The following EXOC6B variants were observed in gnomAD, a reference collection of about 807,000 sequenced individuals.
EXOC6B encodes the protein SEC15 homolog B.
Under a neutral mutation model 113.5 loss-of-function variants are expected in EXOC6B, and 54 were observed. The ratio of observed to expected loss-of-function variants is 0.48; its 90% CI spans 0.38 to 0.60. The LOEUF (loss-of-function observed/expected upper bound fraction) is 0.60, where lower values mean the gene tolerates loss of function less well. Among genes scored for constraint, EXOC6B ranks in the 20% least tolerant of loss-of-function variants. The probability of loss-of-function intolerance (pLI) is 0.00; values close to 1 mark genes in which losing one functional copy is unlikely to be tolerated. For missense variants in EXOC6B, 797 were observed against 977.5 expected (o/e 0.82, Z 2.46); for synonymous variants, 357 against 339.0 (o/e 1.05, Z -0.58).
intron 7 of EXOC6B, among the ~76,000 whole-genome samples, chr2:72,573,993 G>A (rs1704671983): frequency 6.6e-6 from 1 of 151,760 alleles, no homozygotes; most frequent in South Asian, 2.1e-4. Flanking sequence ...GCGGGCGCCT[G>A]TAGTCCCAGT....
chr2:72,667,359 T>C (rs1422988318), intron 6 of EXOC6B, among the ~76,000 whole-genome samples: 1 of 152,184 alleles, frequency 6.6e-6, no homozygotes. Flanking sequence ...ATTTTTCAAA[T>C]AATTATAAAA....
chr2:72,412,551 G>C (rs1282482116), intron 18 of EXOC6B, among the ~76,000 whole-genome samples: 1 of 152,122 alleles, frequency 6.6e-6, no homozygotes, highest in Non-Finnish European at 1.5e-5. Context: ...TAACACAAAC[G>C]TCTACAGAAA....
chr2:72,275,707 T>C (rs960904260), intron 20 of EXOC6B, among the ~76,000 whole-genome samples: 7 of 152,212 alleles, frequency 4.6e-5, no homozygotes, highest in Admixed American at 1.3e-4. Context: ...GGTCTCTGGG[T>C]ATTCAATAAA....
chr2:72,236,765 G>C (rs1681982335), intron 20 of EXOC6B, among the ~76,000 whole-genome samples: 1 of 152,014 alleles, frequency 6.6e-6, no homozygotes. Context: ...TAGATTAATA[G>C]TGGGACAAGC....
chr2:72,674,144 G>A (rs1227051772), intron 6 of EXOC6B, among the ~76,000 whole-genome samples: 1 of 152,138 alleles, frequency 6.6e-6, no homozygotes. Flanking sequence ...TCACCACTTT[G>A]ATTTTATGAG....
intron 5 of EXOC6B, among the ~76,000 whole-genome samples, chr2:72,720,256 T>C (rs1436639108): frequency 6.7e-6 from 1 of 149,902 alleles, no homozygotes. Context: ...ACATGAAAAA[T>C]AGAAAACAAA....
intron 20 of EXOC6B, among the ~76,000 whole-genome samples, chr2:72,251,592 G>A (rs1214358110): frequency 6.6e-6 from 1 of 152,176 alleles, no homozygotes; most frequent in Non-Finnish European, 1.5e-5. Flanking sequence ...GGACAAATAA[G>A]ATGGATAAAG....
intron 20 of EXOC6B, among the ~76,000 whole-genome samples, chr2:72,229,749 G>A (rs1405536893): frequency 1.3e-5 from 2 of 152,116 alleles, no homozygotes; most frequent in Non-Finnish European, 2.9e-5. Context: ...GATTCAAATC[G>A]GTAAATGATA....
At chr2:72,398,953 C>G (rs1363776521) in intron 18 of EXOC6B, among the ~76,000 whole-genome samples, 1 of 150,714 alleles carries the variant, frequency 6.6e-6, no homozygotes, top group Non-Finnish European at 1.5e-5. Context: ...TAAATCCTCC[C>G]TAATTCATTC....
At chr2:72,555,694 T>C (rs1703499049) in intron 8 of EXOC6B, among the ~76,000 whole-genome samples, 1 of 152,214 alleles carries the variant, frequency 6.6e-6, no homozygotes, top group African/African-American at 2.4e-5. Context: ...TTGCCCAGGC[T>C]GGAGTGCAGT....
chr2:72,268,053 T>A (rs887295597), intron 20 of EXOC6B, among the ~76,000 whole-genome samples: 18 of 152,142 alleles, frequency 1.2e-4, no homozygotes, highest in Non-Finnish European at 2.6e-4. Flanking sequence ...GATAATAAAG[T>A]GTGACATATT....
chr2:72,540,602 G>A (rs1027729901), intron 8 of EXOC6B, among the ~76,000 whole-genome samples: 3 of 151,886 alleles, frequency 2.0e-5, no homozygotes, highest in African/African-American at 7.3e-5. Context: ...CTAATCTACT[G>A]CCCACATTTC....
At chr2:72,672,339 G>A (rs1223779368) in intron 6 of EXOC6B, among the ~76,000 whole-genome samples, 2 of 151,440 alleles carry the variant, frequency 1.3e-5, no homozygotes, top group Non-Finnish European at 1.5e-5. Flanking sequence ...ATAAAGAAAA[G>A]CCGGTATATG....
At position 72,224,994 on chromosome 2, in the gene EXOC6B, G is replaced by GTGTGTGTA. The variant is rs908047817; in HGVS notation, c.2197-40808_2197-40807insTACACACA. Among the ~76,000 whole-genome samples the GTGTGTGTA allele has an allele frequency of 2.2e-5, 3 of 137,254 alleles. 1 individual carries two copies. Among genetic ancestry groups the GTGTGTGTA allele is most frequent in the African/African-American group, 5.3e-5 (2 of 37,986 alleles). The allele number at this position is 137,254 out of a possible 152,430, so 90.0% of individuals were successfully genotyped here. On this transcript the variant is annotated intron_variant, in intron 20 of 21. Coordinates refer to ENST00000272427, the MANE Select transcript of EXOC6B (RefSeq NM_015189.3). Reference sequence around the variant, plus strand: ...CATCTCTCTCTGTATGTGTGTGTGTGTATATATATATAAATACACATACTT... The same window carrying GTGTGTGTA: ...CATCTCTCTCTGTATGTGTGTGTGTGTGTGTGTATATATATATATAAATACACATACTT...
chr2:72,477,216 T>A lies in EXOC6B; in HGVS notation c.1800+3400A>T, dbSNP rs1195294984. ...TTTAATACCTCTATATAGCTATGAATTAAACATACCAAGCTTAATGTATCA... is the reference window on the plus strand; with the variant it reads ...TTTAATACCTCTATATAGCTATGAAATAAACATACCAAGCTTAATGTATCA... On this transcript the variant is annotated intron_variant, in intron 17 of 21. Transcript: ENST00000272427. 2.0e-5 allele frequency among the ~76,000 whole-genome samples: 3 copies of A among 152,236 alleles called. No individual in the cohort carries two copies. In the East Asian group the frequency reaches 5.8e-4, roughly 29 times the overall value.
chr2:72,692,711 T>C (rs1677585527), intron 6 of EXOC6B, among the ~76,000 whole-genome samples: 1 of 152,200 alleles, frequency 6.6e-6, no homozygotes, highest in South Asian at 2.1e-4. Context: ...TTCCTTTTAG[T>C]AATTGACCCA....
At chr2:72,653,506 T>C (rs1674354054) in intron 6 of EXOC6B, among the ~76,000 whole-genome samples, 1 of 148,960 alleles carries the variant, frequency 6.7e-6, no homozygotes, top group East Asian at 2.0e-4. Flanking sequence ...TGAATACATA[T>C]GTAACTAACC....
chr2:72,582,324 C>A (rs2103871265), intron 6 of EXOC6B, among the ~76,000 whole-genome samples: 1 of 151,842 alleles, frequency 6.6e-6, no homozygotes, highest in African/African-American at 2.4e-5. Context: ...CCAGCCTGGG[C>A]AACATGGAGA....
chr2:72,590,807 A>C (rs1364249460), intron 6 of EXOC6B, among the ~76,000 whole-genome samples: 1 of 152,040 alleles, frequency 6.6e-6, no homozygotes, highest in Non-Finnish European at 1.5e-5. Flanking sequence ...TGTCATAGGA[A>C]AATGGATAGC....
Sources: gnomAD v4.1 joint callset for allele counts (sites outside exome capture counted in the v4.1 genomes callset) on GRCh38, gnomAD v4.1.1 for gene constraint, MANE v1.5 for transcripts, NCBI Gene and HGNC (gene_info 2026-07-23, HGNC 2026-07-21) for gene names.